Variants in PEX14 observed in about 807,000 individuals in gnomAD.
PEX14 encodes the protein peroxisomal biogenesis factor 14.
A neutral mutation model predicts 49.5 loss-of-function variants in PEX14; 15 were observed. That is an observed-to-expected ratio of 0.30 (90% CI 0.20 to 0.47). PEX14 has a LOEUF of 0.47. Ranked by LOEUF, PEX14 falls within the 20% of genes least tolerant of loss-of-function variation. PEX14 has a pLI of 1.00. For missense variants in PEX14, 398 were observed against 494.8 expected (o/e 0.80, Z 1.86); for synonymous variants, 210 against 212.7 (o/e 0.99, Z 0.11).
intron 2 of PEX14, among the ~76,000 whole-genome samples, chr1:10,534,599 G>T (rs928403139): frequency 7.4e-4 from 113 of 152,114 alleles, no homozygotes; most frequent in Admixed American, 7.3e-3. Context: ...GCCGTTTGGG[G>T]TCTCTAGAAT....
chr1:10,612,086 A>G (rs1343721200), intron 4 of PEX14, among the ~76,000 whole-genome samples: 5 of 152,056 alleles, frequency 3.3e-5, no homozygotes, highest in Admixed American at 1.3e-4. Flanking sequence ...ATTTTCTTCT[A>G]TGTTTTCTGA....
At chr1:10,589,323 C>T (rs375754807) in intron 3 of PEX14, among the ~76,000 whole-genome samples, 99 of 152,232 alleles carry the variant, frequency 6.5e-4, no homozygotes, top group East Asian at 2.3e-3. Context: ...TTCAAACATC[C>T]GGTCTTGTGC....
Position 10,533,695 on chromosome 1 carries a change from A to G in PEX14, c.85-2518A>G, listed in dbSNP as rs545302713. On this transcript the variant is annotated intron_variant, in intron 2 of 8. Coordinates refer to ENST00000356607, the MANE Select transcript of PEX14 (RefSeq NM_004565.3). ...AAAGATGATTTTTCCCAATTGAATC[A>G]GACCCACCACAGGTGTAATAACTAA... Among the ~76,000 whole-genome samples, 6 of 152,356 alleles carry G rather than the reference A, an allele frequency of 3.9e-5. No individual in the cohort carries two copies. The East Asian group carries it at 1.2e-3, about 29-fold the overall frequency.
intron 2 of PEX14, among the ~76,000 whole-genome samples, chr1:10,499,536 C>A (rs1641630739): frequency 1.3e-5 from 2 of 149,594 alleles, no homozygotes; most frequent in Admixed American, 6.7e-5. Context: ...GCATCCTCCA[C>A]CTCCCGGGTT....
intron 2 of PEX14, among the ~76,000 whole-genome samples, chr1:10,509,050 C>T (rs1297786016): frequency 6.6e-6 from 1 of 152,142 alleles, no homozygotes; most frequent in African/African-American, 2.4e-5. Flanking sequence ...CATTCTCCTG[C>T]CTCAGCCTCC....
At chr1:10,533,556 T>G (rs1229225033) in intron 2 of PEX14, among the ~76,000 whole-genome samples, 1 of 152,202 alleles carries the variant, frequency 6.6e-6, no homozygotes, top group African/African-American at 2.4e-5. Flanking sequence ...ATGCTGTTCT[T>G]TGCTATATCC....
At chr1:10,624,498 C>T in intron 7 of PEX14, 61 bp downstream of exon 7, 2 of 1,159,598 alleles carry the variant, frequency 1.7e-6, no homozygotes, top group Non-Finnish European at 2.6e-6. Flanking sequence ...GCCCTTCACT[C>T]TTGTCCCTTG....
chr1:10,561,576 G>A lies in PEX14; in HGVS notation c.169+25279G>A, dbSNP rs1422396293. Among the ~76,000 whole-genome samples the A allele has an allele frequency of 2.0e-5, 3 of 152,196 alleles. No homozygotes were observed. The East Asian group carries it at 5.8e-4, about 29-fold the overall frequency. Reference sequence around the variant, plus strand: ...ATCAGATTCTTCCAGTATTGGTGATGCTAATTTGATTGGTTAATGAGGTGA... The same window carrying A: ...ATCAGATTCTTCCAGTATTGGTGATACTAATTTGATTGGTTAATGAGGTGA... On this transcript the variant is annotated intron_variant, in intron 3 of 8. Coordinates refer to ENST00000356607, the MANE Select transcript of PEX14 (RefSeq NM_004565.3).
At chr1:10,563,889 C>T (rs551734088) in intron 3 of PEX14, among the ~76,000 whole-genome samples, 7 of 150,092 alleles carry the variant, frequency 4.7e-5, no homozygotes, top group African/African-American at 9.8e-5. Flanking sequence ...TACAGCCTGG[C>T]GACAGAGCAA....
rs145558617 is a variant in PEX14, at chr1:10,610,412, C to G, written c.299-7920C>G. ...ACACACACACACATATATATATACA[C>G]AGAGAGAGAGAGATATCATTCTTTT... On this transcript the variant is annotated intron_variant, in intron 4 of 8. Transcript: ENST00000356607. 5.0e-3 allele frequency among the ~76,000 whole-genome samples: 743 copies of G among 149,362 alleles called. 7 individuals carry two copies. Among genetic ancestry groups the G allele is most frequent in the African/African-American group, 0.017 (694 of 40,772 alleles).
chr1:10,617,527 C>T (rs1253333806), intron 4 of PEX14, among the ~76,000 whole-genome samples: 1 of 152,192 alleles, frequency 6.6e-6, no homozygotes, highest in Non-Finnish European at 1.5e-5. Context: ...CCTCTCCGTT[C>T]TCCCCAGCAC....
In PEX14 at chr1:10,495,233, T is replaced by C; in HGVS notation, c.37-41T>C. ...CTTTGGTTTTTTGATGTCCATTGGG[T>C]GGCACTGTGATCTTATTTTTGTTTC... On this transcript the variant is annotated intron_variant, in intron 1 of 8. Coordinates refer to ENST00000356607, the MANE Select transcript of PEX14 (RefSeq NM_004565.3). This position sits in a 1 kb window ranked among gnomAD's most constrained non-coding sequence, Gnocchi z 4.2. 6.2e-7 allele frequency: 1 copy of C among 1,602,102 alleles called. No homozygotes were observed. Among genetic ancestry groups the C allele is most frequent in the Non-Finnish European group, 8.6e-7 (1 of 1,169,156 alleles).
In PEX14 at chr1:10,624,434, C is replaced by A; in HGVS notation, c.582C>A (p.Ala194=). The part of the protein sequence containing the change: ...IQELAHELAA[A]KATTSTNWIL... ...AGCTTGCCCACGAGCTGGCCGCTGC[C>A]AAGGTACCTGTCTCTGCTGCACAGG... Residue 194 remains alanine, a synonymous_variant, in exon 7 of 9, where the codon GCC becomes GCA. Transcript: ENST00000356607. The A allele has an allele frequency of 6.2e-7, 1 of 1,602,848 alleles. No individual in the cohort carries two copies. Among genetic ancestry groups the A allele is most frequent in the Non-Finnish European group, 8.5e-7 (1 of 1,170,378 alleles).
intron 4 of PEX14, among the ~76,000 whole-genome samples, chr1:10,604,174 C>T (rs193297120): frequency 5.3e-5 from 8 of 152,190 alleles, no homozygotes; most frequent in African/African-American, 7.2e-5. Context: ...CAGGTGGTCC[C>T]GGTGAGGACG....
At chr1:10,615,993 T>G (rs1361822135) in intron 4 of PEX14, among the ~76,000 whole-genome samples, 1 of 152,000 alleles carries the variant, frequency 6.6e-6, no homozygotes. Flanking sequence ...AAAACAGAAA[T>G]GGGAGTTGGG....
intron 3 of PEX14, among the ~76,000 whole-genome samples, chr1:10,593,921 G>A (rs914464113): frequency 2.1e-4 from 32 of 152,214 alleles, no homozygotes; most frequent in East Asian, 5.8e-4. Flanking sequence ...TGCTTCCATC[G>A]GCATCTGCTA....
chr1:10,600,533 G>A (rs1570331681), intron 4 of PEX14, among the ~76,000 whole-genome samples: 1 of 151,256 alleles, frequency 6.6e-6, no homozygotes, highest in Admixed American at 6.6e-5. Context: ...CCTGGCCAAC[G>A]TGGTGAAACC....
chr1:10,562,280 AGAT>A (rs1639672995), intron 3 of PEX14, among the ~76,000 whole-genome samples: 1 of 152,238 alleles, frequency 6.6e-6, no homozygotes, highest in Admixed American at 6.5e-5. Context: ...AAAATCAAGA[AGAT>A]AACTATACAA....
Position 10,623,753 on chromosome 1 carries a change from C to T in PEX14, c.488-587C>T, listed in dbSNP as rs1348505633. Among the ~76,000 whole-genome samples the T allele has an allele frequency of 6.6e-6, 1 of 152,228 alleles. No homozygotes were observed. The highest frequency in any genetic ancestry group is 1.5e-5 in the Non-Finnish European group (1 of 68,034). ...CCCTCTGGAGCACGTTTGTGAAGCT[C>T]ACAGAAACCCTCTGACACGTCCATC... On this transcript the variant is annotated intron_variant, in intron 6 of 8. Coordinates refer to ENST00000356607, the MANE Select transcript of PEX14 (RefSeq NM_004565.3). The surrounding 1 kb of genome is among the most constrained non-coding windows in gnomAD (Gnocchi z 4.4).
Sources: gnomAD v4.1 joint callset for allele counts (sites outside exome capture counted in the v4.1 genomes callset) on GRCh38, gnomAD v4.1.1 for gene constraint, Gnocchi (gnomAD v3.1) non-coding constraint, MANE v1.5 for transcripts, NCBI Gene and HGNC (gene_info 2026-07-23, HGNC 2026-07-21) for gene names.